The following PRCC variants were observed in gnomAD, a reference collection of about 807,000 sequenced individuals.
The protein encoded by PRCC is proline rich mitotic checkpoint control factor.
PRCC carries 10 observed loss-of-function variants against 44.0 expected under a neutral mutation model. The ratio of observed to expected loss-of-function variants is 0.23; its 90% CI spans 0.14 to 0.39. PRCC has a LOEUF of 0.39. PRCC is among the 10% of genes least tolerant of loss of function. PRCC has a pLI of 1.00. For synonymous variants in PRCC, 278 were observed against 259.5 expected (o/e 1.07, Z -0.69); for missense variants, 573 against 624.7 (o/e 0.92, Z 0.88).
intron 6 of PRCC, among the ~76,000 whole-genome samples, chr1:156,799,714 T>A (rs1262300385): frequency 6.6e-6 from 1 of 152,238 alleles, no homozygotes; most frequent in African/African-American, 2.4e-5. Flanking sequence ...AGGCATCAGA[T>A]AACTTTTGGA....
At chr1:156,794,623 C>T (rs1652596743) in intron 4 of PRCC, 42 bp from the exon 5 acceptor site, 2 of 1,610,680 alleles carry the variant, frequency 1.2e-6, no homozygotes, top group Non-Finnish European at 1.7e-6. Context: ...CTGCTGACAC[C>T]CTTGCCCAGA....
rs887002878 is a variant in PRCC at position 156,767,563 on chromosome 1, A to T, written c.-209A>T. The T allele has an allele frequency of 6.8e-6, 4 of 587,430 alleles. No individual in the cohort carries two copies. The highest frequency in any genetic ancestry group is 5.9e-5 in the East Asian group (2 of 34,022). 36.4% of individuals were successfully genotyped at this position (587,430 alleles called of 1,614,324 possible). A position where few individuals can be genotyped will look rare whatever the true frequency, so the allele number is the denominator to read the frequency against. ...CATTAGCTGTGTGTAGTTGCCCGGG[A>T]CTAGGAGCTTAAGTGAAGAGGTACG... On this transcript the variant is annotated 5_prime_UTR_variant, in exon 1 of 7. Coordinates refer to ENST00000271526, the MANE Select transcript of PRCC (RefSeq NM_005973.5).
Position 156,789,619 on chromosome 1 carries a change from G to T in PRCC, c.1084-2078G>T, listed in dbSNP as rs72698620. On this transcript the variant is annotated intron_variant, in intron 3 of 6. Transcript: ENST00000271526. The stretch of plus-strand genomic sequence containing the variant: ...GTTGAGTGTAAAGTAAGAATAAAGA[G>T]AATAAAAAAATTAATAATAAATAAA... Among the ~76,000 whole-genome samples the T allele has an allele frequency of 6.0e-3, 906 of 152,142 alleles. 7 individuals carry two copies. Among genetic ancestry groups the T allele is most frequent in the Admixed American group, 0.011 (167 of 15,276 alleles).
intron 1 of PRCC, among the ~76,000 whole-genome samples, chr1:156,776,869 G>A (rs966789080): frequency 5.9e-5 from 9 of 152,114 alleles, no homozygotes; most frequent in Non-Finnish European, 8.8e-5. Flanking sequence ...GTCAAAAGAC[G>A]AGAGATGGTG....
At chr1:156,771,773 C>T (rs1258602377) in intron 1 of PRCC, among the ~76,000 whole-genome samples, 1 of 151,948 alleles carries the variant, frequency 6.6e-6, no homozygotes, top group Non-Finnish European at 1.5e-5. Flanking sequence ...TCAAGCAGCC[C>T]TCCTGCCTTG....
chr1:156,774,230 C>T (rs1651740599), intron 1 of PRCC, among the ~76,000 whole-genome samples: 1 of 114,396 alleles, frequency 8.7e-6, no homozygotes, highest in South Asian at 3.1e-4. Flanking sequence ...GGCTGGAGTG[C>T]AGTGGCTCAA....
chr1:156,776,226 G>A (rs542917553), intron 1 of PRCC, among the ~76,000 whole-genome samples: 1 of 152,244 alleles, frequency 6.6e-6, no homozygotes, highest in African/African-American at 2.4e-5. Context: ...TAAAATAACT[G>A]AGCATGGTGG....
intron 2 of PRCC, among the ~76,000 whole-genome samples, chr1:156,784,621 A>G (rs942286326): frequency 6.6e-6 from 1 of 152,126 alleles, no homozygotes; most frequent in Non-Finnish European, 1.5e-5. Context: ...AAATCTGTGA[A>G]CACACACACA....
At chr1:156,780,615 T>G (rs1032062278) in intron 1 of PRCC, among the ~76,000 whole-genome samples, 1 of 152,024 alleles carries the variant, frequency 6.6e-6, no homozygotes, top group Admixed American at 6.6e-5. Context: ...CACGCCTGAC[T>G]AAATTTATAT....
rs557645455 is a variant in PRCC at position 156,788,872 on chromosome 1, G to A, written c.1083+1698G>A. Among the ~76,000 whole-genome samples, 9 of 152,122 alleles carry A rather than the reference G, an allele frequency of 5.9e-5. No individual in the cohort carries two copies. The South Asian group carries it at 1.9e-3, about 32-fold the overall frequency. On this transcript the variant is annotated intron_variant, in intron 3 of 6. Transcript: ENST00000271526. ...GTAGAAACAGGGTTTCTCCATGTTG[G>A]TCAGGCTGGTCTCGAACTCCTGACC...
In PRCC at chr1:156,792,053, C is replaced by CTTTTTTTTT. The variant is rs67388360; in HGVS notation, c.1179+281_1179+289dup. ...ACAGAGTCAGGGATCTAGTCCCCTT[C>CTTTTTTTTT]TTTTTTTTTTTTTTTTTTTTTTTTT... On this transcript the variant is annotated intron_variant, in intron 4 of 6. Coordinates refer to ENST00000271526, the MANE Select transcript of PRCC (RefSeq NM_005973.5). 5.0e-3 allele frequency among the ~76,000 whole-genome samples: 292 copies of CTTTTTTTTT among 58,452 alleles called. 33 individuals are homozygous for CTTTTTTTTT. The highest frequency in any genetic ancestry group is 5.4e-3 in the Non-Finnish European group (166 of 30,756). 38.3% of individuals were successfully genotyped at this position (58,452 alleles called of 152,430 possible).
At chr1:156,773,733 A>C (rs1355133850) in intron 1 of PRCC, among the ~76,000 whole-genome samples, 1 of 152,220 alleles carries the variant, frequency 6.6e-6, no homozygotes, top group East Asian at 1.9e-4. Context: ...AAACAGAATG[A>C]TGATCCACCA....
chr1:156,786,968 T>C lies in PRCC; in HGVS notation c.877T>C (p.Tyr293His), dbSNP rs749741851. The change falls in exon 3 of 7, where the codon TAC becomes CAC. Residue 293 changes from tyrosine to histidine, a missense_variant. Transcript: ENST00000271526. ...GCCACCTGGAGTTGAGCCATACCCTTACCCCATCCCCACTGTCCCTGAAGA... is the reference window on the plus strand; with the variant it reads ...GCCACCTGGAGTTGAGCCATACCCTCACCCCATCCCCACTGTCCCTGAAGA... ...AEPPGVEPYPYPIPTVPEELP... is the reference protein window; with the variant it reads ...AEPPGVEPYPHPIPTVPEELP... 3 of 1,614,192 alleles carry C rather than the reference T, an allele frequency of 1.9e-6. No homozygotes were observed. The highest frequency in any genetic ancestry group is 2.5e-6 in the Non-Finnish European group (3 of 1,180,028).
intron 2 of PRCC, among the ~76,000 whole-genome samples, chr1:156,784,188 C>G (rs1382753387): frequency 6.6e-6 from 1 of 152,160 alleles, no homozygotes; most frequent in East Asian, 1.9e-4. Context: ...ACCTCGTGAT[C>G]TGCCCATCTC....
At chr1:156,782,556 C>G (rs1027482062) in intron 2 of PRCC, among the ~76,000 whole-genome samples, 17 of 152,096 alleles carry the variant, frequency 1.1e-4, no homozygotes, top group African/African-American at 4.1e-4. Flanking sequence ...TCCTGGAAGA[C>G]AGGCAGTGGT....
chr1:156,793,571 C>G (rs566741043), intron 4 of PRCC, among the ~76,000 whole-genome samples: 2 of 151,498 alleles, frequency 1.3e-5, no homozygotes, highest in Non-Finnish European at 2.9e-5. Flanking sequence ...TCCTTTTCTA[C>G]GCAGCCCCAC....
At chr1:156,787,385 TC>T (rs1371975019) in intron 3 of PRCC, among the ~76,000 whole-genome samples, 1 of 151,358 alleles carries the variant, frequency 6.6e-6, no homozygotes, top group Admixed American at 6.6e-5. Context: ...ATAAATGACA[TC>T]TTTATTCTGA....
At chr1:156,797,200 C>T in intron 5 of PRCC, 76 bp from the exon 6 acceptor site, 1 of 1,585,992 alleles carries the variant, frequency 6.3e-7, no homozygotes, top group South Asian at 1.1e-5. Context: ...CAGCCCCTAA[C>T]ACCACACCAT....
Position 156,800,490 on chromosome 1 carries a change from C to A in PRCC, c.*30C>A. The A allele has an allele frequency of 6.2e-7, 1 of 1,611,816 alleles. No individual in the cohort carries two copies. The highest frequency in any genetic ancestry group is 1.1e-5 in the South Asian group (1 of 91,040). On this transcript the variant is annotated 3_prime_UTR_variant, in exon 7 of 7. Transcript: ENST00000271526. The stretch of plus-strand genomic sequence containing the variant: ...CTGGAACTGATTGCTCCCAGGATCT[C>A]CTGCCAGCCCAGCTGGCCTGGCCCC...
Sources: allele counts gnomAD v4.1 joint callset (sites outside exome capture counted in the v4.1 genomes callset), GRCh38; gene constraint gnomAD v4.1.1; transcripts MANE v1.5; gene names NCBI Gene and HGNC (gene_info 2026-07-23, HGNC 2026-07-21).